The following CTDP1 variants were observed in gnomAD, a reference collection of about 807,000 sequenced individuals.
CTDP1 encodes RNA polymerase II subunit A C-terminal domain phosphatase.
A neutral mutation model predicts 91.8 loss-of-function variants in CTDP1; 47 were observed. That is an observed-to-expected ratio of 0.51 (90% CI 0.41 to 0.65). The LOEUF (loss-of-function observed/expected upper bound fraction) is 0.65. CTDP1 is among the 30% of genes least tolerant of loss of function. The pLI, the probability that CTDP1 is intolerant of heterozygous loss-of-function variation, is 0.00. For missense variants in CTDP1, 1,272 were observed against 1,373.7 expected (o/e 0.93, Z 1.17); for synonymous variants, 656 against 598.5 (o/e 1.10, Z -1.40).
chr18:79,710,100 A>G (rs936580672), intron 5 of CTDP1, among the ~76,000 whole-genome samples: 2 of 152,198 alleles, frequency 1.3e-5, no homozygotes, highest in African/African-American at 4.8e-5. Flanking sequence ...AGATATTACA[A>G]ATTTTTCATG....
chr18:79,730,168 T>C (rs1235494048), intron 11 of CTDP1, among the ~76,000 whole-genome samples: 1 of 152,246 alleles, frequency 6.6e-6, no homozygotes, highest in Non-Finnish European at 1.5e-5. Context: ...TTTTTCTGTC[T>C]TTTTGAACAT....
At chr18:79,694,757 G>A (rs892931876) in intron 1 of CTDP1, among the ~76,000 whole-genome samples, 28 of 152,240 alleles carry the variant, frequency 1.8e-4, no homozygotes, top group Non-Finnish European at 4.1e-4. Flanking sequence ...AAATAAAACA[G>A]TTTGTGTTTA....
chr18:79,737,102 C>T (rs1428928523), intron 12 of CTDP1, among the ~76,000 whole-genome samples: 1 of 152,242 alleles, frequency 6.6e-6, no homozygotes, highest in Non-Finnish European at 1.5e-5. Context: ...GAGCTGAGCA[C>T]CGTGGTTTGC....
At chr18:79,745,057 T>G (rs72976190) in intron 12 of CTDP1, among the ~76,000 whole-genome samples, 18,158 of 152,162 alleles carry the variant, frequency 0.12, 1,505 homozygotes, top group Non-Finnish European at 0.19. Flanking sequence ...GAAAGACTTG[T>G]GGGTCCTGAG....
intron 1 of CTDP1, among the ~76,000 whole-genome samples, chr18:79,690,953 G>A (rs867351006): frequency 2.0e-5 from 3 of 152,204 alleles, no homozygotes; most frequent in Non-Finnish European, 2.9e-5. Flanking sequence ...GGAAGCCTGC[G>A]GAGTGCTGCC....
upstream of CTDP1, chr18:79,678,339 T>C (rs1422473935): frequency 6.6e-6 from 1 of 152,236 alleles, no homozygotes; most frequent in Non-Finnish European, 1.5e-5. Flanking sequence ...GACGCCACAA[T>C]GGACACTATA....
downstream of CTDP1, chr18:79,755,298 G>T (rs547229595): frequency 6.6e-6 from 1 of 152,276 alleles, no homozygotes; most frequent in African/African-American, 2.4e-5. Flanking sequence ...CCCACCTGTG[G>T]GTTCTCCGGG....
chr18:79,708,435 A>G (rs1042011351), intron 5 of CTDP1, among the ~76,000 whole-genome samples: 2 of 152,258 alleles, frequency 1.3e-5, no homozygotes, highest in African/African-American at 4.8e-5. Context: ...AATAGTGATT[A>G]TGTGGAGTGC....
At chr18:79,681,810 C>T (rs1214287992) in intron 1 of CTDP1, among the ~76,000 whole-genome samples, 2 of 152,180 alleles carry the variant, frequency 1.3e-5, no homozygotes, top group South Asian at 2.1e-4. Context: ...AGTCCATGGG[C>T]GGCAGGTAAA....
Position 79,689,259 on chromosome 18 carries a change from C to A in CTDP1, c.315-5966C>A, listed in dbSNP as rs61553817. The stretch of plus-strand genomic sequence containing the variant: ...TCTGGTGAGACTGTCCCAGAGCCTG[C>A]GTTTAGTGAAGGTGGTGTCTGTTGT... On this transcript the variant is annotated intron_variant, in intron 1 of 12. Coordinates refer to ENST00000613122, the MANE Select transcript of CTDP1 (RefSeq NM_004715.5). Among the ~76,000 whole-genome samples the A allele has an allele frequency of 3.4e-3, 522 of 152,198 alleles. 4 individuals are homozygous for A. Among genetic ancestry groups the A allele is most frequent in the African/African-American group, 0.011 (461 of 41,534 alleles).
At chr18:79,755,658 T>C (rs560971345), downstream of CTDP1, 5 of 152,340 alleles carry the variant, frequency 3.3e-5, no homozygotes, top group East Asian at 9.7e-4. Context: ...ATTCTGCGTG[T>C]GGTTGGTCCT....
intron 3 of CTDP1, 59 bp downstream of exon 3, chr18:79,696,129 T>C (rs763549891): frequency 1.4e-5 from 21 of 1,484,602 alleles, no homozygotes; most frequent in Non-Finnish European, 1.9e-5. Context: ...GGAGGGCGGC[T>C]GCAGGAGGAG....
chr18:79,680,478 C>T (rs1166755218), intron 1 of CTDP1, among the ~76,000 whole-genome samples: 11 of 152,238 alleles, frequency 7.2e-5, no homozygotes, highest in Admixed American at 4.6e-4. Flanking sequence ...AAGGGTCCTG[C>T]GTAGCGACAC....
intron 12 of CTDP1, among the ~76,000 whole-genome samples, chr18:79,749,427 A>G (rs1476340204): frequency 2.0e-5 from 3 of 151,376 alleles, no homozygotes; most frequent in Non-Finnish European, 4.4e-5. Flanking sequence ...TGGCCCCACT[A>G]GGAGGGGCCA....
intron 4 of CTDP1, among the ~76,000 whole-genome samples, chr18:79,704,036 A>G: frequency 6.6e-6 from 1 of 152,190 alleles, no homozygotes; most frequent in South Asian, 2.1e-4. Flanking sequence ...TTAACGTGGT[A>G]CCCAGGGTGG....
At position 79,743,475 on chromosome 18, in the gene CTDP1, G is replaced by A. The variant is rs12326045; in HGVS notation, c.2747+6954G>A. ...CAGGAGGTGGAGGTTGCGGTGAGCC[G>A]AGATCGTGCCACTACACTCCACCCT... is the stretch of plus-strand genomic sequence containing the variant. On this transcript the variant is annotated intron_variant, in intron 12 of 12. Transcript: ENST00000613122. Among the ~76,000 whole-genome samples the A allele has an allele frequency of 5.1e-3, 718 of 141,632 alleles. 7 individuals carry two copies. The highest frequency in any genetic ancestry group is 0.018 in the African/African-American group (691 of 37,520). The allele number at this position is 141,632 out of a possible 152,430, so 92.9% of individuals were successfully genotyped here. A position where few individuals can be genotyped will look rare whatever the true frequency, so the allele number is the denominator to read the frequency against.
chr18:79,754,018 G>C lies in CTDP1; in HGVS notation c.*228G>C, dbSNP rs959635795. ...TGACAGGTGTTAAAGGCCCAGGTGT[G>C]CTGTGCCAAAGAGCTCAGCAGAGGC... On this transcript the variant is annotated 3_prime_UTR_variant, in exon 13 of 13. Transcript: ENST00000613122. 4.9e-5 allele frequency: 31 copies of C among 628,556 alleles called. No individual in the cohort carries two copies. In the African/African-American group the frequency reaches 5.1e-4, roughly 10 times the overall value. The allele number at this position is 628,556 out of a possible 1,614,324, so 38.9% of individuals were successfully genotyped here.
intron 3 of CTDP1, among the ~76,000 whole-genome samples, chr18:79,697,115 G>T (rs1466806667): frequency 1.3e-5 from 2 of 151,888 alleles, no homozygotes; most frequent in Admixed American, 1.3e-4. Flanking sequence ...AACCAAAGCT[G>T]GCAAGTTTGA....
rs1256042582 is a variant in CTDP1, at chr18:79,682,496, C to A, written c.314+2235C>A. Reference sequence around the variant, plus strand: ...ATGGATTTCTCCAGGACGTTGAGTTCCAGCTCAGCAGCTCTTTATACACAA... The same window carrying A: ...ATGGATTTCTCCAGGACGTTGAGTTACAGCTCAGCAGCTCTTTATACACAA... On this transcript the variant is annotated intron_variant, in intron 1 of 12. Transcript: ENST00000613122. 2.0e-5 allele frequency among the ~76,000 whole-genome samples: 3 copies of A among 152,238 alleles called. No individual in the cohort carries two copies. In the East Asian group the frequency reaches 5.8e-4, roughly 29 times the overall value.
Sources: allele counts gnomAD v4.1 joint callset (sites outside exome capture counted in the v4.1 genomes callset), GRCh38; gene constraint gnomAD v4.1.1; transcripts MANE v1.5; gene names NCBI Gene and HGNC (gene_info 2026-07-23, HGNC 2026-07-21).